The following SCHIP1 variants were observed in gnomAD, a reference collection of about 807,000 sequenced individuals.
SCHIP1 encodes schwannomin-interacting protein 1.
A neutral mutation model predicts 29.7 loss-of-function variants in SCHIP1; 8 were observed. The observed-to-expected ratio is 0.27, with a 90% confidence interval of 0.16 to 0.49. SCHIP1 has a LOEUF of 0.49. Among genes scored for constraint, SCHIP1 ranks in the 20% least tolerant of loss-of-function variants. SCHIP1 has a pLI of 0.99. For missense variants in SCHIP1, 193 were observed against 294.6 expected (o/e 0.66, Z 2.52); for synonymous variants, 76 against 94.9 (o/e 0.80, Z 1.16).
At chr3:159,667,770 G>A in the SCHIP1 span, among the ~76,000 whole-genome samples, 1 of 152,178 alleles carries the variant, frequency 6.6e-6, no homozygotes, top group African/African-American at 2.4e-5. Context: ...CACCTTTTCA[G>A]CCCATAATCT....
At chr3:159,850,422 C>G (rs1242116827) in intron 1 of SCHIP1, among the ~76,000 whole-genome samples, 1 of 151,314 alleles carries the variant, frequency 6.6e-6, no homozygotes, top group Non-Finnish European at 1.5e-5. Flanking sequence ...GGCGTGGTGG[C>G]GGGCACCTGT....
At chr3:159,733,746 T>C in the SCHIP1 span, among the ~76,000 whole-genome samples, 1 of 152,222 alleles carries the variant, frequency 6.6e-6, no homozygotes, top group Admixed American at 6.5e-5. Flanking sequence ...AGAATGTTCA[T>C]GAAAAAAGAT....
At chr3:159,772,736 TTTTA>T in the SCHIP1 span, among the ~76,000 whole-genome samples, 1 of 152,160 alleles carries the variant, frequency 6.6e-6, no homozygotes, top group East Asian at 1.9e-4. Flanking sequence ...TGCATTTGCA[TTTTA>T]TTTATTTATT....
chr3:159,319,427 T>C, the SCHIP1 span, among the ~76,000 whole-genome samples: 1 of 152,214 alleles, frequency 6.6e-6, no homozygotes, highest in Admixed American at 6.5e-5. Flanking sequence ...CAAATGACTA[T>C]TTGGACTCAA....
the SCHIP1 span, among the ~76,000 whole-genome samples, chr3:159,341,568 A>T: frequency 6.6e-6 from 1 of 152,086 alleles, no homozygotes; most frequent in Admixed American, 6.6e-5. Context: ...GTAGTTGTTA[A>T]GTGTTGGGCT....
At chr3:159,889,742 G>C (rs983358764) in intron 5 of SCHIP1, among the ~76,000 whole-genome samples, 1 of 152,198 alleles carries the variant, frequency 6.6e-6, no homozygotes, top group African/African-American at 2.4e-5. Flanking sequence ...CTAACTGAAT[G>C]TTTTAGTAAG....
At chr3:159,765,575 C>G in the SCHIP1 span, 1 of 178,348 alleles carries the variant, frequency 5.6e-6, no homozygotes, top group African/African-American at 2.4e-5. Context: ...AATGTCTCAT[C>G]CATATATAGG....
the SCHIP1 span, among the ~76,000 whole-genome samples, chr3:159,521,396 G>T: frequency 6.6e-6 from 1 of 152,146 alleles, no homozygotes; most frequent in Admixed American, 6.5e-5. Flanking sequence ...AATGTCTTTG[G>T]CTCACATTTT....
At chr3:159,812,398 G>A in the SCHIP1 span, among the ~76,000 whole-genome samples, 1 of 152,114 alleles carries the variant, frequency 6.6e-6, no homozygotes, top group Admixed American at 6.5e-5. Flanking sequence ...CAAATAAAAT[G>A]GAAAATTTAA....
chr3:159,764,564 C>T, the SCHIP1 span: 4 of 1,603,126 alleles, frequency 2.5e-6, no homozygotes, highest in Non-Finnish European at 3.4e-6. This position sits in a 1 kb window ranked among gnomAD's most constrained non-coding sequence, Gnocchi z 6.1. Flanking sequence ...AAATCTTCAT[C>T]GTCGCCGGGG....
intron 2 of SCHIP1, among the ~76,000 whole-genome samples, chr3:159,878,924 CAA>C (rs146047161): frequency 1.8e-4 from 26 of 145,088 alleles, no homozygotes; most frequent in East Asian, 4.0e-4. Flanking sequence ...ACTCTTTCAC[CAA>C]AAAAAAAAAA....
At chr3:159,320,739 G>A in the SCHIP1 span, among the ~76,000 whole-genome samples, 28 of 151,888 alleles carry the variant, frequency 1.8e-4, no homozygotes, top group Middle Eastern at 6.8e-3. Flanking sequence ...ATGTACAAGG[G>A]ACAGCATGAA....
the SCHIP1 span, among the ~76,000 whole-genome samples, chr3:159,799,403 G>C: frequency 2.0e-5 from 3 of 152,246 alleles, no homozygotes; most frequent in Non-Finnish European, 2.9e-5. Flanking sequence ...TAATGAAGTA[G>C]AGGATTACAA....
the SCHIP1 span, among the ~76,000 whole-genome samples, chr3:159,504,387 C>T: frequency 3.3e-5 from 5 of 152,074 alleles, no homozygotes; most frequent in East Asian, 7.7e-4. Flanking sequence ...GTAATTTTAA[C>T]AGATCATGGT....
At chr3:159,621,967 T>C in the SCHIP1 span, among the ~76,000 whole-genome samples, 27 of 152,172 alleles carry the variant, frequency 1.8e-4, no homozygotes, top group Non-Finnish European at 3.7e-4. Context: ...TGCTCAGCCC[T>C]GCATGTATGT....
At chr3:159,866,384 TC>T in intron 2 of SCHIP1, 103 bp downstream of exon 3, 3 of 1,132,072 alleles carry the variant, frequency 2.7e-6, no homozygotes, top group South Asian at 1.6e-5. Flanking sequence ...AGTTTTTTTT[TC>T]CCCCTCGCAT....
chr3:159,526,001 A>G, the SCHIP1 span, among the ~76,000 whole-genome samples: 1 of 152,184 alleles, frequency 6.6e-6, no homozygotes, highest in East Asian at 1.9e-4. Context: ...GGAATCCTTC[A>G]CTTCACAGTT....
the SCHIP1 span, among the ~76,000 whole-genome samples, chr3:159,658,230 T>C: frequency 7.2e-5 from 11 of 152,290 alleles, no homozygotes; most frequent in African/African-American, 2.4e-4. Context: ...GATATCTGGC[T>C]TTTTCACCAG....
chr3:159,680,360 T>C, the SCHIP1 span, among the ~76,000 whole-genome samples: 10 of 149,532 alleles, frequency 6.7e-5, no homozygotes, highest in South Asian at 1.5e-3. Context: ...AATACAAAAA[T>C]TAGCTGGGTG....
Sources: gnomAD v4.1 joint callset for allele counts (sites outside exome capture counted in the v4.1 genomes callset) on GRCh38, gnomAD v4.1.1 for gene constraint, Gnocchi (gnomAD v3.1) non-coding constraint, MANE v1.5 for transcripts, NCBI Gene and HGNC (gene_info 2026-07-23, HGNC 2026-07-21) for gene names.